The following KCTD10 variants were observed in gnomAD, a reference collection of about 807,000 sequenced individuals.
KCTD10 encodes BTB/POZ domain-containing adapter for CUL3-mediated RhoA degradation protein 3.
KCTD10 carries 13 observed loss-of-function variants against 34.6 expected under a neutral mutation model. The observed-to-expected ratio is 0.38, with a 90% CI of 0.24 to 0.60. KCTD10 has a LOEUF of 0.60. Ranked by LOEUF, KCTD10 falls within the 20% of genes least tolerant of loss-of-function variation. KCTD10 has a pLI of 0.66. For missense variants in KCTD10, 256 were observed against 420.3 expected, an observed-to-expected ratio of 0.61 and a Z score of 3.42; for synonymous variants, 156 against 168.8, an observed-to-expected ratio of 0.92 and a Z score of 0.59.
intron 6 of KCTD10, among the ~76,000 whole-genome samples, chr12:109,452,748 C>T (rs1472677814): frequency 6.6e-6 from 1 of 152,092 alleles, no homozygotes; most frequent in Admixed American, 6.5e-5. Context: ...CCTGAAATGG[C>T]ACCAGGACAG....
rs1324041211 is a variant in KCTD10, at chr12:109,477,285, T to C, written c.-23A>G. 1.2e-6 allele frequency: 2 copies of C among 1,613,012 alleles called. No homozygotes were observed. Among genetic ancestry groups the C allele is most frequent in the Non-Finnish European group, 1.7e-6 (2 of 1,179,750 alleles). On this transcript the variant is annotated 5_prime_UTR_variant, in exon 1 of 7. Transcript: ENST00000228495. ...CATGAAAAGTCGGAGGACGCAGGAG[T>C]CTCCAAACCCGGACTGAGAGAGGCA...
intron 2 of KCTD10, chr12:109,469,047 T>C (rs1222609876): frequency 5.6e-6 from 1 of 177,122 alleles, no homozygotes; most frequent in Non-Finnish European, 1.2e-5. Flanking sequence ...CACACACATA[T>C]ACACACATGC....
intron 6 of KCTD10, among the ~76,000 whole-genome samples, chr12:109,454,538 G>T (rs1265123568): frequency 6.6e-6 from 1 of 152,136 alleles, no homozygotes; most frequent in Non-Finnish European, 1.5e-5. Context: ...AGACCAGCCT[G>T]GGCAACATAG....
chr12:109,450,460 C>T lies in KCTD10; in HGVS notation c.*1135G>A, dbSNP rs932930517. On this transcript the variant is annotated 3_prime_UTR_variant, in exon 7 of 7. Transcript: ENST00000228495. The stretch of plus-strand genomic sequence containing the variant: ...CCAGACCCAAAGTTATCTATCTACC[C>T]GCACATCCTCAACCTGTTCACTGCT... 1.0e-5 allele frequency: 4 copies of T among 398,894 alleles called. No homozygotes were observed. The highest frequency in any genetic ancestry group is 2.1e-5 in the African/African-American group (1 of 48,618). 24.7% of individuals were successfully genotyped at this position (398,894 alleles called of 1,614,324 possible). A position where few individuals can be genotyped will look rare whatever the true frequency, so the allele number is the denominator to read the frequency against.
chr12:109,450,038 C>CG lies in KCTD10; in HGVS notation c.*1556_*1557insC, dbSNP rs1872687057. 2.7e-6 allele frequency: 1 copy of CG among 376,424 alleles called. No individual in the cohort carries two copies. The highest frequency in any genetic ancestry group is 4.7e-6 in the Non-Finnish European group (1 of 212,466). The allele number at this position is 376,424 out of a possible 1,614,324, so 23.3% of individuals were successfully genotyped here. On this transcript the variant is annotated 3_prime_UTR_variant, in exon 7 of 7. Transcript: ENST00000228495. ...ACAAAATGAAGGCATACAACTGTCA[C>CG]AGGCAGGGCAGTAAGTACAAAGTCT...
At chr12:109,462,308 C>T (rs992651425) in intron 2 of KCTD10, among the ~76,000 whole-genome samples, 3 of 152,200 alleles carry the variant, frequency 2.0e-5, no homozygotes, top group Admixed American at 6.5e-5. Context: ...GTTAAAAGAA[C>T]GGTCTCCACC....
Position 109,449,730 on chromosome 12 carries a change from A to C in KCTD10, c.*1865T>G, listed in dbSNP as rs917641841. On this transcript the variant is annotated 3_prime_UTR_variant, in exon 7 of 7. Coordinates refer to ENST00000228495, the MANE Select transcript of KCTD10 (RefSeq NM_031954.5). ...AATAGAGCAAGACTCCGCCTCAAAA[A>C]AAAATTTATACAATGGCTTTTCCAT... 2 of 152,290 alleles carry C rather than the reference A, an allele frequency of 1.3e-5. No individual in the cohort carries two copies. Among genetic ancestry groups the C allele is most frequent in the African/African-American group, 4.8e-5 (2 of 41,566 alleles). 9.4% of individuals were successfully genotyped at this position (152,290 alleles called of 1,614,324 possible). A position where few individuals can be genotyped will look rare whatever the true frequency, so the allele number is the denominator to read the frequency against.
In KCTD10 at chr12:109,460,466, C is replaced by A; in HGVS notation, c.387+170G>T. ...TAGGTGGCCTGCTGTTCCAGGGAGG[C>A]CTCTCAGGGGTCACTCCAACCGAAG... On this transcript the variant is annotated intron_variant, in intron 3 of 6. Transcript: ENST00000228495. The surrounding 1 kb of genome is among the most constrained non-coding windows in gnomAD (Gnocchi z 4.5). The A allele has an allele frequency of 1.6e-6, 1 of 642,514 alleles. No individual in the cohort carries two copies. Among genetic ancestry groups the A allele is most frequent in the South Asian group, 2.0e-5 (1 of 51,166 alleles). The allele number at this position is 642,514 out of a possible 1,614,324, so 39.8% of individuals were successfully genotyped here.
At chr12:109,458,685 GA>G in intron 3 of KCTD10, 1 of 152,924 alleles carries the variant, frequency 6.5e-6, no homozygotes. Flanking sequence ...CTGCGATTCT[GA>G]AAACGGGGGG....
chr12:109,477,289 C>CA lies in KCTD10; in HGVS notation c.-28dup, dbSNP rs781280361. Reference sequence around the variant, plus strand: ...AAAAGTCGGAGGACGCAGGAGTCTCCAAACCCGGACTGAGAGAGGCAGGAA... The same window carrying CA: ...AAAAGTCGGAGGACGCAGGAGTCTCCAAAACCCGGACTGAGAGAGGCAGGAA... On this transcript the variant is annotated 5_prime_UTR_variant, in exon 1 of 7. Transcript: ENST00000228495. 5.3e-5 allele frequency: 86 copies of CA among 1,613,702 alleles called. No individual in the cohort carries two copies. Among genetic ancestry groups the CA allele is most frequent in the Non-Finnish European group, 6.9e-5 (82 of 1,179,892 alleles).
chr12:109,466,121 A>G (rs7136048), intron 2 of KCTD10, among the ~76,000 whole-genome samples: 25,755 of 152,140 alleles, frequency 0.17, 2,237 homozygotes, highest in African/African-American at 0.18. Flanking sequence ...GCTCACTGCC[A>G]CAGTGTCCTT....
At position 109,458,044 on chromosome 12, in the gene KCTD10, G is replaced by A; in HGVS notation, c.422C>T (p.Pro141Leu). ...KDTYEPFCKV[P>L]VITSSKEEQK... ...TTCTTCCTTGGATGAGGTGATCACA[G>A]GGACCTTGCAGAAAGGCTCATAAGT... Residue 141 changes from proline (P) to leucine (L), a missense_variant, in exon 4 of 7, where the codon CCT becomes CTT. Physicochemically the swap from Pro to Leu is moderately conservative, Grantham distance 98 (BLOSUM62 -3). Coordinates refer to ENST00000228495, the MANE Select transcript of KCTD10 (RefSeq NM_031954.5). The A allele has an allele frequency of 6.2e-7, 1 of 1,614,206 alleles. No homozygotes were observed. The highest frequency in any genetic ancestry group is 8.5e-7 in the Non-Finnish European group (1 of 1,180,016).
chr12:109,471,791 C>A (rs1187142981), intron 1 of KCTD10, among the ~76,000 whole-genome samples: 1 of 152,158 alleles, frequency 6.6e-6, no homozygotes, highest in Non-Finnish European at 1.5e-5. Context: ...TTTAAGCACC[C>A]CTTTCAGATC....
At chr12:109,466,415 G>A (rs1406577124) in intron 2 of KCTD10, among the ~76,000 whole-genome samples, 1 of 152,188 alleles carries the variant, frequency 6.6e-6, no homozygotes, top group African/African-American at 2.4e-5. Flanking sequence ...ACTGGGGAAG[G>A]AGGAAAGAGG....
intron 2 of KCTD10, among the ~76,000 whole-genome samples, chr12:109,463,712 T>C (rs1221311399): frequency 1.3e-5 from 2 of 152,216 alleles, no homozygotes; most frequent in African/African-American, 4.8e-5. Flanking sequence ...CCAGCTCTGA[T>C]ACCTTCTTGC....
intron 1 of KCTD10, chr12:109,471,051 C>T (rs1161569378): frequency 1.6e-5 from 15 of 951,960 alleles, no homozygotes; most frequent in Non-Finnish European, 1.9e-5. Flanking sequence ...CCCAACTTTG[C>T]TTGACTACAG....
chr12:109,450,196 C>A lies in KCTD10; in HGVS notation c.*1399G>T. 5.0e-6 allele frequency: 2 copies of A among 398,632 alleles called. No individual in the cohort carries two copies. The highest frequency in any genetic ancestry group is 1.3e-4 in the South Asian group (1 of 7,836). 24.7% of individuals were successfully genotyped at this position (398,632 alleles called of 1,614,324 possible). ...ACCCATCCATCACCTGACGCACATTCACATCTCCTGGTAACTACTCTACCT... is the reference window on the plus strand; with the variant it reads ...ACCCATCCATCACCTGACGCACATTAACATCTCCTGGTAACTACTCTACCT... On this transcript the variant is annotated 3_prime_UTR_variant, in exon 7 of 7. Transcript: ENST00000228495.
intron 4 of KCTD10, 137 bp from the exon 5 acceptor site, chr12:109,457,819 G>A: frequency 4.8e-6 from 5 of 1,045,856 alleles, no homozygotes; most frequent in Non-Finnish European, 7.4e-6. Flanking sequence ...TGGAGAGGGG[G>A]ACCACATGAC....
rs1872649914 is a variant in KCTD10, at chr12:109,449,467, C to CT, written c.*2127dup. 1 of 152,218 alleles carries CT rather than the reference C, an allele frequency of 6.6e-6. No homozygotes were observed. The highest frequency in any genetic ancestry group is 1.5e-5 in the Non-Finnish European group (1 of 68,062). 9.4% of individuals were successfully genotyped at this position (152,218 alleles called of 1,614,324 possible). ...TGCAGCCAGGTGTGGTGACTCACAC[C>CT]TGTAATCCCAGCACTTTGGGAGGCC... On this transcript the variant is annotated 3_prime_UTR_variant, in exon 7 of 7. Transcript: ENST00000228495.
Sources: gnomAD v4.1 joint callset for allele counts (sites outside exome capture counted in the v4.1 genomes callset) on GRCh38, gnomAD v4.1.1 for gene constraint, Gnocchi (gnomAD v3.1) non-coding constraint, MANE v1.5 for transcripts, NCBI Gene and HGNC (gene_info 2026-07-23, HGNC 2026-07-21) for gene names.